LRRC4C: variants seen among roughly 807,000 people sequenced by gnomAD.
The protein encoded by LRRC4C is leucine-rich repeat-containing protein 4C.
In LRRC4C, 5 loss-of-function variants were observed where a neutral mutation model predicts 33.6. That is an observed-to-expected ratio of 0.15 (90% confidence interval 0.08 to 0.31). LRRC4C has a LOEUF of 0.31. LRRC4C is among the 10% of genes least tolerant of loss of function. The pLI is 1.00. For synonymous variants in LRRC4C, 329 were observed against 302.0 expected (o/e 1.09, Z -0.93); for missense variants, 560 against 796.7 (o/e 0.70, Z 3.58).
intron 1 of LRRC4C, among the ~76,000 whole-genome samples, chr11:41,319,073 C>T (rs1950878390): frequency 6.6e-6 from 1 of 152,174 alleles, no homozygotes; most frequent in Non-Finnish European, 1.5e-5. Context: ...TTGGATTTCA[C>T]ATGTTCTCTG....
At chr11:41,317,678 C>A (rs956196469) in intron 1 of LRRC4C, among the ~76,000 whole-genome samples, 1 of 151,936 alleles carries the variant, frequency 6.6e-6, no homozygotes, top group Admixed American at 6.6e-5. Context: ...TTTGGAGGAA[C>A]AAGGGGCTGC....
chr11:40,946,245 C>T (rs1565228941), intron 1 of LRRC4C, among the ~76,000 whole-genome samples: 2 of 152,126 alleles, frequency 1.3e-5, no homozygotes, highest in Admixed American at 6.6e-5. Context: ...GCTGCATTCA[C>T]GTGGCTGCAA....
intron 3 of LRRC4C, among the ~76,000 whole-genome samples, chr11:40,397,939 T>G (rs1949606906): frequency 6.6e-6 from 1 of 152,146 alleles, no homozygotes. Context: ...AAGAGACAAC[T>G]GATCACCCTA....
At chr11:40,456,084 T>C (rs1310004448) in intron 3 of LRRC4C, among the ~76,000 whole-genome samples, 1 of 152,082 alleles carries the variant, frequency 6.6e-6, no homozygotes, top group Non-Finnish European at 1.5e-5. Context: ...AGAGGCTACT[T>C]GGGAGAAAAA....
chr11:40,652,837 T>C lies in LRRC4C; in HGVS notation c.-406-4559A>G, dbSNP rs148225372. On this transcript the variant is annotated intron_variant, in intron 2 of 6. Coordinates refer to ENST00000528697, the MANE Select transcript of LRRC4C (RefSeq NM_001258419.2). ...CTCTGATATGGTTTGACTCTGTGTC[T>C]CTGCCCAAATCACCTTGATTATAAT... Among the ~76,000 whole-genome samples, 616 of 152,336 alleles carry C rather than the reference T, an allele frequency of 4.0e-3. 3 individuals are homozygous for C. Among genetic ancestry groups the C allele is most frequent in the Non-Finnish European group, 5.5e-3 (371 of 68,030 alleles).
At chr11:40,504,384 T>G (rs2138656441) in intron 3 of LRRC4C, among the ~76,000 whole-genome samples, 1 of 152,178 alleles carries the variant, frequency 6.6e-6, no homozygotes. Context: ...GATATTCTGA[T>G]GGACAGACGG....
At chr11:41,326,939 C>T (rs900621097) in intron 1 of LRRC4C, among the ~76,000 whole-genome samples, 7 of 152,178 alleles carry the variant, frequency 4.6e-5, no homozygotes, top group African/African-American at 9.7e-5. Context: ...CTGACATCAT[C>T]ACATTCTTGT....
intron 2 of LRRC4C, among the ~76,000 whole-genome samples, chr11:40,923,288 C>G (rs973792345): frequency 1.3e-5 from 2 of 152,192 alleles, no homozygotes. Context: ...TCATTCTTCT[C>G]AACAATAAAT....
chr11:40,467,917 T>C (rs1306062664), intron 3 of LRRC4C, among the ~76,000 whole-genome samples: 1 of 152,176 alleles, frequency 6.6e-6, no homozygotes, highest in East Asian at 1.9e-4. Context: ...TTTTATTGAC[T>C]GATGGAGCTG....
At chr11:41,125,626 T>C (rs537392704) in intron 1 of LRRC4C, among the ~76,000 whole-genome samples, 268 of 152,338 alleles carry the variant, frequency 1.8e-3, no homozygotes, top group Non-Finnish European at 3.0e-3. Context: ...AACTGTATTT[T>C]GCATTTTTTC....
intron 3 of LRRC4C, among the ~76,000 whole-genome samples, chr11:40,380,836 AT>A (rs2137342469): frequency 6.6e-6 from 1 of 152,362 alleles, no homozygotes; most frequent in South Asian, 2.1e-4. Flanking sequence ...CATGCTATGA[AT>A]TTAATGTAAA....
chr11:40,464,814 C>T (rs191563247), intron 3 of LRRC4C, among the ~76,000 whole-genome samples: 94 of 151,582 alleles, frequency 6.2e-4, no homozygotes, highest in African/African-American at 1.4e-3. Flanking sequence ...TAATTTTAGA[C>T]GACACAAGCA....
chr11:40,397,704 AAAT>A (rs1949597244), intron 3 of LRRC4C, among the ~76,000 whole-genome samples: 1 of 152,098 alleles, frequency 6.6e-6, no homozygotes, highest in Non-Finnish European at 1.5e-5. Flanking sequence ...ACAAATGTTC[AAAT>A]GACACCTGCT....
chr11:40,357,894 T>C (rs1163686053), intron 3 of LRRC4C, among the ~76,000 whole-genome samples: 1 of 152,072 alleles, frequency 6.6e-6, no homozygotes, highest in African/African-American at 2.4e-5. Flanking sequence ...TTTTAAAGAT[T>C]AGAGAAGTGG....
chr11:40,936,096 G>GA (rs1230162539), intron 1 of LRRC4C, among the ~76,000 whole-genome samples: 13 of 127,684 alleles, frequency 1.0e-4, no homozygotes, highest in Non-Finnish European at 4.9e-5. Context: ...TCTGTCCTGA[G>GA]AAAAAATGTG....
chr11:40,945,259 A>T (rs1958345181), intron 1 of LRRC4C, among the ~76,000 whole-genome samples: 3 of 151,206 alleles, frequency 2.0e-5, no homozygotes, highest in Admixed American at 2.0e-4. Context: ...TGACCTCGTG[A>T]TCCACCCGTC....
rs145644177 is a variant in LRRC4C at position 40,196,014 on chromosome 11, A to T, written c.-96+45505T>A. Among the ~76,000 whole-genome samples the T allele has an allele frequency of 2.9e-3, 438 of 152,342 alleles. 1 individual carries two copies. Among genetic ancestry groups the T allele is most frequent in the African/African-American group, 1.0e-2 (415 of 41,580 alleles). On this transcript the variant is annotated intron_variant, in intron 5 of 6. Coordinates refer to ENST00000528697, the MANE Select transcript of LRRC4C (RefSeq NM_001258419.2). Reference sequence around the variant, plus strand: ...GTCAAAGACACCTTACCTGAACCATAGGAATCGTAAAGCTTAAAGAATTCT... The same window carrying T: ...GTCAAAGACACCTTACCTGAACCATTGGAATCGTAAAGCTTAAAGAATTCT...
chr11:40,515,370 T>C (rs1955520742), intron 3 of LRRC4C, among the ~76,000 whole-genome samples: 1 of 152,060 alleles, frequency 6.6e-6, no homozygotes, highest in African/African-American at 2.4e-5. Context: ...TGTAAGAAAA[T>C]GTTCAAAATA....
intron 1 of LRRC4C, among the ~76,000 whole-genome samples, chr11:41,305,278 G>C (rs1470238884): frequency 2.0e-5 from 1 of 50,448 alleles, no homozygotes; most frequent in African/African-American, 4.9e-5. Flanking sequence ...GAGGGAGGTG[G>C]GGGAGGGTCA....
Sources: allele counts gnomAD v4.1 joint callset (sites outside exome capture counted in the v4.1 genomes callset), GRCh38; gene constraint gnomAD v4.1.1; transcripts MANE v1.5; gene names NCBI Gene and HGNC (gene_info 2026-07-23, HGNC 2026-07-21).